Variants in ZNF775 observed in about 807,000 individuals in gnomAD.
The protein encoded by ZNF775 is zinc finger protein 775.
In ZNF775, 1 loss-of-function variant was observed where a neutral mutation model predicts 2.4. That is an observed-to-expected ratio of 0.41 (90% confidence interval 0.15 to 1.94). ZNF775 has a LOEUF of 1.94. Ranked by LOEUF, ZNF775 falls within the 30% of genes most tolerant of loss-of-function variation. The pLI, the probability that ZNF775 is intolerant of heterozygous loss-of-function variation, is 0.30. For missense variants in ZNF775, 823 were observed against 826.6 expected, an observed-to-expected ratio of 1.00 and a Z score of 0.05; for synonymous variants, 381 against 373.3, an observed-to-expected ratio of 1.02 and a Z score of -0.24.
Position 150,396,793 on chromosome 7 carries a change from G to A in ZNF775, c.312G>A (p.Glu104=). ...GPLSPSLSSG[E]GHFVCLDCGK... ...TGAGCCCCTCGCTTTCCTCCGGCGA[G>A]GGTCACTTTGTATGCCTGGACTGCG... The change falls in exon 3 of 3, where the codon GAG becomes GAA. Residue 104 remains glutamate, a synonymous_variant. Coordinates refer to ENST00000329630, the MANE Select transcript of ZNF775 (RefSeq NM_173680.4). 1 of 1,598,468 alleles carries A rather than the reference G, an allele frequency of 6.3e-7. No homozygotes were observed. The highest frequency in any genetic ancestry group is 1.7e-5 in the Admixed American group (1 of 58,142).
intron 2 of ZNF775, among the ~76,000 whole-genome samples, chr7:150,394,649 CT>C (rs1194085337): frequency 2.9e-4 from 39 of 135,128 alleles, no homozygotes; most frequent in African/African-American, 1.2e-3. Context: ...CTCTCTCTCT[CT>C]CCCTCCCTCC....
chr7:150,387,674 G>T (rs1266272127), intron 1 of ZNF775, among the ~76,000 whole-genome samples: 1 of 152,164 alleles, frequency 6.6e-6, no homozygotes, highest in Non-Finnish European at 1.5e-5. Context: ...ATAGCCAGGC[G>T]TGGTGGCGGG....
Position 150,396,796 on chromosome 7 carries a change from T to G in ZNF775, c.315T>G (p.Gly105=). 1 of 1,598,810 alleles carries G rather than the reference T, an allele frequency of 6.3e-7. No individual in the cohort carries two copies. The highest frequency in any genetic ancestry group is 8.5e-7 in the Non-Finnish European group (1 of 1,174,870). The change falls in exon 3 of 3, where the codon GGT becomes GGG. Residue 105 remains glycine, a synonymous_variant. Coordinates refer to ENST00000329630, the MANE Select transcript of ZNF775 (RefSeq NM_173680.4). The part of the protein sequence containing the change: ...PLSPSLSSGE[G]HFVCLDCGKR... ...GCCCCTCGCTTTCCTCCGGCGAGGG[T>G]CACTTTGTATGCCTGGACTGCGGGA...
In ZNF775 at chr7:150,388,517, G is replaced by A. The variant is rs771761191; in HGVS notation, c.31+16G>A. The A allele has an allele frequency of 1.9e-6, 3 of 1,551,856 alleles. No homozygotes were observed. The East Asian group carries it at 7.3e-5, about 38-fold the overall frequency. ...AACGGCACAGGTAAGAGAGAAGAAA[G>A]AGGAGGCAGGGGAGCGGGGTCTCCT... On this transcript the variant is annotated intron_variant, in intron 2 of 2. Coordinates refer to ENST00000329630, the MANE Select transcript of ZNF775 (RefSeq NM_173680.4).
intron 1 of ZNF775, among the ~76,000 whole-genome samples, chr7:150,381,830 G>A (rs1181651286): frequency 6.6e-6 from 1 of 152,128 alleles, no homozygotes; most frequent in African/African-American, 2.4e-5. Context: ...GGGTGTTTGG[G>A]AGACTGAGGT....
At position 150,396,696 on chromosome 7, in the gene ZNF775, C is replaced by T; in HGVS notation, c.215C>T (p.Pro72Leu). ...GGGGGACAGGAGGAGTCTGGGAGTCCAAGGTGGGCCCCTCCCACTGAGCAG... is the reference window on the plus strand; with the variant it reads ...GGGGGACAGGAGGAGTCTGGGAGTCTAAGGTGGGCCCCTCCCACTGAGCAG... ...ALGGQEESGS[P>L]RWAPPTEQDA... Residue 72 changes from proline (P) to leucine (L), a missense_variant, in exon 3 of 3, where the codon CCA (proline) becomes CTA (leucine). Coordinates refer to ENST00000329630, the MANE Select transcript of ZNF775 (RefSeq NM_173680.4). 6.2e-7 allele frequency: 1 copy of T among 1,605,180 alleles called. No individual in the cohort carries two copies. Among genetic ancestry groups the T allele is most frequent in the Non-Finnish European group, 8.5e-7 (1 of 1,176,646 alleles).
At chr7:150,395,624 T>G (rs1397898907) in intron 2 of ZNF775, among the ~76,000 whole-genome samples, 4 of 152,252 alleles carry the variant, frequency 2.6e-5, no homozygotes, top group Non-Finnish European at 4.4e-5. Flanking sequence ...GTTTCTCCTC[T>G]TCACATAAAT....
At chr7:150,392,439 A>G (rs552064850) in intron 2 of ZNF775, among the ~76,000 whole-genome samples, 1 of 152,296 alleles carries the variant, frequency 6.6e-6, no homozygotes, top group Non-Finnish European at 1.5e-5. Flanking sequence ...AGGGAATCTG[A>G]CTTGCAGCCT....
intron 2 of ZNF775, among the ~76,000 whole-genome samples, chr7:150,395,308 A>G (rs1352835528): frequency 9.2e-5 from 14 of 152,134 alleles, no homozygotes; most frequent in Admixed American, 9.2e-4. Context: ...ATCTTTATTA[A>G]TGCCGTTCTT....
At chr7:150,394,993 C>G (rs1254807361) in intron 2 of ZNF775, among the ~76,000 whole-genome samples, 1 of 151,502 alleles carries the variant, frequency 6.6e-6, no homozygotes, top group East Asian at 1.9e-4. Flanking sequence ...TCCCTTTGCT[C>G]CTATTCACTG....
At chr7:150,387,253 C>T (rs1246305361) in intron 1 of ZNF775, among the ~76,000 whole-genome samples, 1 of 129,946 alleles carries the variant, frequency 7.7e-6, no homozygotes, top group Admixed American at 7.6e-5. Context: ...TGAGATTGGG[C>T]CACTACACTC....
chr7:150,395,382 T>C (rs1011749893), intron 2 of ZNF775, among the ~76,000 whole-genome samples: 5 of 152,248 alleles, frequency 3.3e-5, no homozygotes, highest in African/African-American at 1.2e-4. Context: ...GATTTTTCTC[T>C]TTGTTCACAG....
At position 150,397,997 on chromosome 7, in the gene ZNF775, G is replaced by A. The variant is rs760144248; in HGVS notation, c.1516G>A (p.Ala506Thr). The A allele has an allele frequency of 6.3e-7, 1 of 1,589,072 alleles. No homozygotes were observed. Among genetic ancestry groups the A allele is most frequent in the Non-Finnish European group, 8.5e-7 (1 of 1,173,902 alleles). Residue 506 changes from alanine to threonine, a missense_variant, in exon 3 of 3, where the codon GCC (alanine) becomes ACC (threonine). Transcript: ENST00000329630. ...AGGCGAGCGGCCCTACCTGTGTCCC[G>A]CCTGCGGCCGCGGCTTCAGCCAGAA... ...HTGERPYLCP[A>T]CGRGFSQKQH...
chr7:150,397,311 A>T lies in ZNF775; in HGVS notation c.830A>T (p.Glu277Val). ...GTCTCCGGCCCCGAGGGGCCGGGCGAGCCGCGCCAGTTCATCTGCAACGAG... is the reference window on the plus strand; with the variant it reads ...GTCTCCGGCCCCGAGGGGCCGGGCGTGCCGCGCCAGTTCATCTGCAACGAG... ...AAVSGPEGPG[E>V]PRQFICNECG... The change falls in exon 3 of 3, where the codon GAG becomes GTG. Residue 277 changes from glutamate to valine, a missense_variant. Physicochemically the swap from Glu to Val is moderately radical, Grantham distance 121. Coordinates refer to ENST00000329630, the MANE Select transcript of ZNF775 (RefSeq NM_173680.4). 6.3e-7 allele frequency: 1 copy of T among 1,579,344 alleles called. No homozygotes were observed.
chr7:150,380,465 G>A (rs1325753904), intron 1 of ZNF775, among the ~76,000 whole-genome samples: 1 of 152,134 alleles, frequency 6.6e-6, no homozygotes, highest in African/African-American at 2.4e-5. Context: ...AACAGAGAAG[G>A]GATTCCTGGC....
rs1430204675 is a variant in ZNF775, at chr7:150,384,139, C to T, written c.-49-4283C>T. 6.6e-6 allele frequency among the ~76,000 whole-genome samples: 1 copy of T among 152,204 alleles called. No individual in the cohort carries two copies. The highest frequency in any genetic ancestry group is 1.5e-5 in the Non-Finnish European group (1 of 68,044). ...AACTGAACTGCAGCCTGACCCGGTG[C>T]GCGGAGGGCCGGGCCAGGGCCAGGC... On this transcript the variant is annotated intron_variant, in intron 1 of 2. Transcript: ENST00000329630. This position sits in a 1 kb window ranked among gnomAD's most constrained non-coding sequence, Gnocchi z 4.1.
chr7:150,394,175 T>C (rs1166597958), intron 2 of ZNF775, among the ~76,000 whole-genome samples: 1 of 152,268 alleles, frequency 6.6e-6, no homozygotes, highest in Non-Finnish European at 1.5e-5. Flanking sequence ...GAATATGATA[T>C]ACATTGCTCC....
At chr7:150,380,744 T>C (rs1800347363) in intron 1 of ZNF775, among the ~76,000 whole-genome samples, 2 of 152,238 alleles carry the variant, frequency 1.3e-5, no homozygotes, top group Admixed American at 1.3e-4. Flanking sequence ...CAAGGACATA[T>C]GCTAAGATGT....
At chr7:150,394,692 C>T (rs1306514454) in intron 2 of ZNF775, among the ~76,000 whole-genome samples, 1 of 140,846 alleles carries the variant, frequency 7.1e-6, no homozygotes, top group East Asian at 2.4e-4. Context: ...CTTTCCCTAC[C>T]TTCTCCCTCC....
Sources: gnomAD v4.1 joint callset for allele counts (sites outside exome capture counted in the v4.1 genomes callset) on GRCh38, gnomAD v4.1.1 for gene constraint, Gnocchi (gnomAD v3.1) non-coding constraint, MANE v1.5 for transcripts, NCBI Gene and HGNC (gene_info 2026-07-23, HGNC 2026-07-21) for gene names.